UBQLN1: variants seen among roughly 807,000 people sequenced by gnomAD.
The protein encoded by UBQLN1 is ubiquilin 1.
Under a neutral mutation model 65.4 loss-of-function variants are expected in UBQLN1, and 13 were observed. The ratio of observed to expected loss-of-function variants is 0.20; its 90% CI spans 0.13 to 0.32. UBQLN1 has a LOEUF of 0.32. UBQLN1 is among the 10% of genes least tolerant of loss of function. The probability of loss-of-function intolerance (pLI) is 1.00; values close to 1 mark genes in which losing one functional copy is unlikely to be tolerated. For synonymous variants in UBQLN1, 267 were observed against 247.8 expected, an observed-to-expected ratio of 1.08 and a Z score of -0.73; for missense variants, 561 against 724.0, an observed-to-expected ratio of 0.77 and a Z score of 2.58.
intron 1 of UBQLN1, among the ~76,000 whole-genome samples, chr9:83,704,219 T>C (rs11140221): frequency 0.27 from 40,612 of 152,176 alleles, 6,632 homozygotes; most frequent in East Asian, 0.8. Context: ...TAATGACAAA[T>C]TTTCATTTGT....
chr9:83,666,782 T>G (rs143683244), intron 7 of UBQLN1: 188 of 195,728 alleles, frequency 9.6e-4, no homozygotes, highest in Admixed American at 2.1e-3. Flanking sequence ...GAAGATATAT[T>G]TTCTACTACA....
chr9:83,686,501 CACAA>C (rs1333358334), intron 1 of UBQLN1, among the ~76,000 whole-genome samples: 1 of 152,192 alleles, frequency 6.6e-6, no homozygotes, highest in African/African-American at 2.4e-5. Context: ...TCATCTCTAA[CACAA>C]AGGTCCTACT....
chr9:83,673,558 A>C (rs1319025004), intron 6 of UBQLN1, among the ~76,000 whole-genome samples: 12 of 88,012 alleles, frequency 1.4e-4, no homozygotes, highest in Non-Finnish European at 2.3e-4. Flanking sequence ...AAAAAAAAAA[A>C]AAAAAAAAAC....
At chr9:83,662,988 A>C (rs543308867) in intron 10 of UBQLN1, among the ~76,000 whole-genome samples, 1 of 151,122 alleles carries the variant, frequency 6.6e-6, no homozygotes, top group Admixed American at 6.6e-5. Context: ...AGGTGGGAGG[A>C]TTGCTGCAGC....
chr9:83,702,281 T>C (rs762914939), intron 1 of UBQLN1, among the ~76,000 whole-genome samples: 35 of 152,206 alleles, frequency 2.3e-4, no homozygotes, highest in South Asian at 4.1e-4. Context: ...TGGTGAACTG[T>C]ATGGTAGGCA....
At chr9:83,677,644 CA>C in intron 6 of UBQLN1, 82 bp downstream of exon 6, 1 of 970,850 alleles carries the variant, frequency 1.0e-6, no homozygotes, top group East Asian at 2.6e-5. Flanking sequence ...CACACAAAAG[CA>C]CAAAGAATAA....
At chr9:83,707,405 A>G in intron 1 of UBQLN1, 95 bp downstream of exon 1, 2 of 1,320,946 alleles carry the variant, frequency 1.5e-6, no homozygotes, top group Non-Finnish European at 2.0e-6. Flanking sequence ...GCCGAGGACG[A>G]CCCCTCTCCC....
At chr9:83,678,970 C>T (rs982736234) in intron 4 of UBQLN1, among the ~76,000 whole-genome samples, 2 of 152,266 alleles carry the variant, frequency 1.3e-5, no homozygotes, top group African/African-American at 4.8e-5. Flanking sequence ...ATCCGCCCAC[C>T]TCAGCTTCCC....
intron 1 of UBQLN1, among the ~76,000 whole-genome samples, chr9:83,698,758 T>C (rs1587663221): frequency 6.6e-6 from 1 of 151,850 alleles, no homozygotes; most frequent in Non-Finnish European, 1.5e-5. Context: ...TACAAAAAAA[T>C]ACAAAGTAGC....
At position 83,679,798 on chromosome 9, in the gene UBQLN1, T is replaced by C; in HGVS notation, c.688A>G (p.Asn230Asp). 1 of 1,614,190 alleles carries C rather than the reference T, an allele frequency of 6.2e-7. No homozygotes were observed. Among genetic ancestry groups the C allele is most frequent in the South Asian group, 1.1e-5 (1 of 91,088 alleles). Residue 230 changes from asparagine to aspartate, a missense_variant, in exon 4 of 11, where the codon AAT (asparagine) becomes GAT (aspartate). Physicochemically the swap from Asn to Asp is conservative, Grantham distance 23. This residue lies in a region of UBQLN1 where 75 missense variants were observed against 138.9 expected (regional missense o/e 0.54). Transcript: ENST00000376395. ...ACTTGTCTCATTATATCTGGATTAT[T>C]CAACATATGACTAATTTCTGGATTT... ...QRNPEISHML[N>D]NPDIMRQTLE... is the part of the protein sequence containing the mutation.
At position 83,707,656 on chromosome 9, in the gene UBQLN1, G is replaced by T; in HGVS notation, c.24C>A (p.Gly8=). 1 of 1,558,842 alleles carries T rather than the reference G, an allele frequency of 6.4e-7. No homozygotes were observed. Among genetic ancestry groups the T allele is most frequent in the Non-Finnish European group, 8.7e-7 (1 of 1,153,792 alleles). MAESGES[G]GPPGSQDSAA... ...CGCTATCCTGGGAGCCCGGAGGACC[G>T]CCGCTTTCACCACTCTCGGCCATGG... The change falls in exon 1 of 11, where the codon GGC becomes GGA. Residue 8 remains glycine, a synonymous_variant. Coordinates refer to ENST00000376395, the MANE Select transcript of UBQLN1 (RefSeq NM_013438.5).
intron 1 of UBQLN1, among the ~76,000 whole-genome samples, chr9:83,688,958 C>A (rs1299631245): frequency 6.6e-6 from 1 of 152,060 alleles, no homozygotes; most frequent in Non-Finnish European, 1.5e-5. Flanking sequence ...ACTCATACCA[C>A]GTAATTCACT....
intron 6 of UBQLN1, among the ~76,000 whole-genome samples, chr9:83,669,575 A>AAGAG (rs1831698516): frequency 6.6e-6 from 1 of 152,234 alleles, no homozygotes; most frequent in African/African-American, 2.4e-5. Context: ...TTGTCTAATG[A>AAGAG]AGAGCTAGCT....
At chr9:83,698,518 TA>T (rs1441695570) in intron 1 of UBQLN1, among the ~76,000 whole-genome samples, 3 of 152,196 alleles carry the variant, frequency 2.0e-5, no homozygotes, top group Non-Finnish European at 4.4e-5. Context: ...ATATTAAAAT[TA>T]CAATAGCCAA....
At chr9:83,699,572 G>A (rs932953649) in intron 1 of UBQLN1, among the ~76,000 whole-genome samples, 1 of 152,154 alleles carries the variant, frequency 6.6e-6, no homozygotes, top group African/African-American at 2.4e-5. Flanking sequence ...ACTGAGCCAT[G>A]GTGCTCAAGC....
chr9:83,665,923 C>G (rs1831636413), intron 8 of UBQLN1, among the ~76,000 whole-genome samples: 1 of 152,066 alleles, frequency 6.6e-6, no homozygotes, highest in Non-Finnish European at 1.5e-5. Context: ...ATGAGATCTA[C>G]CCCTTGGGGA....
chr9:83,663,847 C>T (rs762719741), intron 10 of UBQLN1, 28 bp downstream of exon 10: 1 of 1,587,076 alleles, frequency 6.3e-7, no homozygotes, highest in Non-Finnish European at 8.5e-7. Flanking sequence ...TTAAGGAATA[C>T]AAAACTTGAA....
intron 1 of UBQLN1, among the ~76,000 whole-genome samples, chr9:83,699,274 T>C (rs1169591412): frequency 6.6e-6 from 1 of 152,248 alleles, no homozygotes; most frequent in Non-Finnish European, 1.5e-5. Flanking sequence ...TCACCACTAT[T>C]GAAAAATTGA....
At position 83,660,568 on chromosome 9, in the gene UBQLN1, T is replaced by C. The variant is rs1334787187; in HGVS notation, c.*1219A>G. On this transcript the variant is annotated 3_prime_UTR_variant, in exon 11 of 11. Coordinates refer to ENST00000376395, the MANE Select transcript of UBQLN1 (RefSeq NM_013438.5). ...CTCTTTGTTTTTCACCCCTGAATGA[T>C]ACTTCTTTACTACACTATATGCACA... The C allele has an allele frequency of 2.0e-5, 3 of 152,316 alleles. No individual in the cohort carries two copies. Among genetic ancestry groups the C allele is most frequent in the Non-Finnish European group, 4.4e-5 (3 of 68,048 alleles). The allele number at this position is 152,316 out of a possible 1,614,324, so 9.4% of individuals were successfully genotyped here. A position where few individuals can be genotyped will look rare whatever the true frequency, so the allele number is the denominator to read the frequency against.
Sources: gnomAD v4.1 joint callset for allele counts (sites outside exome capture counted in the v4.1 genomes callset) on GRCh38, gnomAD v4.1.1 for gene constraint, gnomAD v4.1.1 regional missense constraint, MANE v1.5 for transcripts, NCBI Gene and HGNC (gene_info 2026-07-23, HGNC 2026-07-21) for gene names.